MTMR1: variants seen among roughly 807,000 people sequenced by gnomAD.
The protein encoded by MTMR1 is phosphatidylinositol-3-phosphate phosphatase MTMR1.
MTMR1 carries 17 observed loss-of-function variants against 51.6 expected under a neutral mutation model. The observed-to-expected ratio is 0.33, with a 90% CI of 0.23 to 0.49. MTMR1 has a LOEUF of 0.49. Among genes scored for constraint, MTMR1 ranks in the 20% least tolerant of loss-of-function variants. The pLI is 0.99. For missense variants in MTMR1, 386 were observed against 526.9 expected, an observed-to-expected ratio of 0.73 and a Z score of 2.62; for synonymous variants, 201 against 205.6, an observed-to-expected ratio of 0.98 and a Z score of 0.19.
rs1453758612 is a variant in MTMR1 at position 150,761,985 on chromosome X, G to A, written c.1858-580G>A. 6.2e-5 allele frequency among the ~76,000 whole-genome samples: 7 copies of A among 112,570 alleles called. No homozygotes were observed. The East Asian group carries it at 1.4e-3, about 23-fold the overall frequency. ...GGTGATGCTGAGCAAGGAGGGAGGGGTTGGTCCTTGGGGAGGCTCCCCACC... is the reference window on the plus strand; with the variant it reads ...GGTGATGCTGAGCAAGGAGGGAGGGATTGGTCCTTGGGGAGGCTCCCCACC... On this transcript the variant is annotated intron_variant, in intron 15 of 15. Transcript: ENST00000445323.
At chrX:150,712,741 TA>T (rs1382709784) in intron 3 of MTMR1, 4,575 of 162,939 alleles carry the variant, frequency 0.028, no homozygotes, top group Middle Eastern at 0.04. Flanking sequence ...ATTTAGCAAC[TA>T]AAAAAAAAAA....
At chrX:150,727,094 C>T in intron 4 of MTMR1, 121 bp from the exon 5 acceptor site, 1 of 440,123 alleles carries the variant, frequency 2.3e-6, no homozygotes, top group Non-Finnish European at 3.9e-6. Context: ...TGATATAATC[C>T]TATAAAATAC....
chrX:150,696,719 C>T (rs1268172012), intron 1 of MTMR1, among the ~76,000 whole-genome samples: 5 of 106,898 alleles, frequency 4.7e-5, no homozygotes, highest in African/African-American at 1.7e-4. Flanking sequence ...CTCTCTCCCT[C>T]TCTCTTTTAT....
intron 4 of MTMR1, 118 bp downstream of exon 4, chrX:150,718,818 A>G: frequency 1.6e-6 from 1 of 634,384 alleles, no homozygotes; most frequent in African/African-American, 2.3e-5. Flanking sequence ...TTAGGGGACA[A>G]ATGGACTAGA....
chrX:150,722,504 C>G (rs948278514), intron 4 of MTMR1, among the ~76,000 whole-genome samples: 48 of 111,965 alleles, frequency 4.3e-4, no homozygotes, highest in African/African-American at 1.5e-3. Context: ...ATTCTTTGCT[C>G]TGAAATCTAC....
intron 15 of MTMR1, among the ~76,000 whole-genome samples, chrX:150,759,083 C>T (rs1014482227): frequency 8.9e-6 from 1 of 112,582 alleles, no homozygotes; most frequent in Admixed American, 9.4e-5. Flanking sequence ...GCTGCCCTGT[C>T]ACTGGAGTCC....
chrX:150,716,766 T>C (rs1383239382), intron 3 of MTMR1, among the ~76,000 whole-genome samples: 1 of 112,693 alleles, frequency 8.9e-6, no homozygotes, highest in Non-Finnish European at 1.9e-5. Flanking sequence ...ATTTCTAAAT[T>C]GACCTTTAGG....
Position 150,765,069 on chromosome X carries a change from T to A in MTMR1, c.*2340T>A, listed in dbSNP as rs1262381501. On this transcript the variant is annotated 3_prime_UTR_variant, in exon 16 of 16. Coordinates refer to ENST00000445323, the MANE Select transcript of MTMR1 (RefSeq NM_001306144.3). ...TGATGATGTAAAGTAACTAACTTTA[T>A]GTGATTTAATTCATTCAGTAAATTG... 2 of 109,161 alleles carry A rather than the reference T, an allele frequency of 1.8e-5. No homozygotes were observed. Among genetic ancestry groups the A allele is most frequent in the African/African-American group, 3.3e-5 (1 of 30,434 alleles). 9.0% of individuals were successfully genotyped at this position (109,161 alleles called of 1,213,427 possible). A position where few individuals can be genotyped will look rare whatever the true frequency, so the allele number is the denominator to read the frequency against.
chrX:150,734,636 T>C (rs1021170792), intron 10 of MTMR1, among the ~76,000 whole-genome samples: 1 of 112,739 alleles, frequency 8.9e-6, no homozygotes, highest in Non-Finnish European at 1.9e-5. Flanking sequence ...GCAGGAGAGA[T>C]AGAGACAGGA....
intron 10 of MTMR1, among the ~76,000 whole-genome samples, chrX:150,734,079 C>CCT (rs1394438823): frequency 8.9e-6 from 1 of 112,516 alleles, no homozygotes; most frequent in African/African-American, 3.2e-5. Flanking sequence ...CTGTTCCTTG[C>CCT]CTCTTCCAGC....
At chrX:150,730,256 C>G (rs2042074955) in intron 7 of MTMR1, 46 bp downstream of exon 7, 2 of 901,138 alleles carry the variant, frequency 2.2e-6, no homozygotes, top group Non-Finnish European at 3.1e-6. Flanking sequence ...TTGTGGGGGT[C>G]CAAATATCCT....
At chrX:150,719,628 A>T (rs1266331502) in intron 4 of MTMR1, among the ~76,000 whole-genome samples, 1 of 111,975 alleles carries the variant, frequency 8.9e-6, no homozygotes, top group Non-Finnish European at 1.9e-5. Context: ...AGAGGTAATT[A>T]TGTCATGCCC....
At chrX:150,693,349 C>A, upstream of MTMR1, 1 of 588,416 alleles carries the variant, frequency 1.7e-6, no homozygotes, top group Non-Finnish European at 2.0e-6. Context: ...CTCCCGCCCC[C>A]CGACCCCCGC....
intron 3 of MTMR1, among the ~76,000 whole-genome samples, chrX:150,716,952 A>G (rs1198100764): frequency 8.9e-6 from 1 of 112,166 alleles, no homozygotes; most frequent in Non-Finnish European, 1.9e-5. Flanking sequence ...GTGGCCTCCG[A>G]TGTTAACAGG....
In MTMR1 at chrX:150,720,617, C is replaced by A. The variant is rs1191452325; in HGVS notation, c.352+1917C>A. 8.1e-5 allele frequency among the ~76,000 whole-genome samples: 9 copies of A among 111,475 alleles called. No individual in the cohort carries two copies. In the Admixed American group the frequency reaches 8.6e-4, roughly 11 times the overall value. On this transcript the variant is annotated intron_variant, in intron 4 of 15. Coordinates refer to ENST00000445323, the MANE Select transcript of MTMR1 (RefSeq NM_001306144.3). Reference sequence around the variant, plus strand: ...AATGTACAAGTCTGTATGAGCATACCTTTTCTTTTCTCCTGAGTAAATACC... The same window carrying A: ...AATGTACAAGTCTGTATGAGCATACATTTTCTTTTCTCCTGAGTAAATACC...
intron 10 of MTMR1, among the ~76,000 whole-genome samples, chrX:150,734,006 G>T (rs1438117303): frequency 1.8e-5 from 2 of 112,246 alleles, no homozygotes; most frequent in Non-Finnish European, 3.8e-5. Flanking sequence ...TACAGCACCA[G>T]AAATGTATTG....
intron 3 of MTMR1, among the ~76,000 whole-genome samples, chrX:150,716,411 A>G (rs911036744): frequency 8.9e-6 from 1 of 112,730 alleles, no homozygotes; most frequent in Non-Finnish European, 1.9e-5. Flanking sequence ...GCTTTATTGC[A>G]TAAAATATAT....
chrX:150,702,586 G>A (rs1343410167), intron 2 of MTMR1, among the ~76,000 whole-genome samples: 1 of 112,056 alleles, frequency 8.9e-6, no homozygotes, highest in African/African-American at 3.2e-5. Flanking sequence ...CTGGTATCAC[G>A]TGACATGAGT....
At chrX:150,705,001 G>GA (rs36053949) in intron 2 of MTMR1, among the ~76,000 whole-genome samples, 27,720 of 104,370 alleles carry the variant, frequency 0.27, 3,045 homozygotes, top group South Asian at 0.49. Flanking sequence ...AACAAACAAT[G>GA]AAAAAAAAAA....
Sources: allele counts gnomAD v4.1 joint callset (sites outside exome capture counted in the v4.1 genomes callset), GRCh38; gene constraint gnomAD v4.1.1; transcripts MANE v1.5; gene names NCBI Gene and HGNC (gene_info 2026-07-23, HGNC 2026-07-21).